USP43: variants seen among roughly 807,000 people sequenced by gnomAD.
The protein encoded by USP43 is ubiquitin carboxyl-terminal hydrolase 43.
Under a neutral mutation model 90.7 loss-of-function variants are expected in USP43, and 33 were observed. That is an observed-to-expected ratio of 0.36 (90% CI 0.28 to 0.49). The LOEUF (loss-of-function observed/expected upper bound fraction) is 0.49. Among genes scored for constraint, USP43 ranks in the 20% least tolerant of loss-of-function variants. USP43 has a pLI of 0.98. For synonymous variants in USP43, 598 were observed against 615.8 expected (o/e 0.97, Z 0.43); for missense variants, 1,274 against 1,476.4 (o/e 0.86, Z 2.25).
intron 14 of USP43, among the ~76,000 whole-genome samples, chr17:9,725,791 C>T (rs540682844): frequency 1.3e-5 from 2 of 152,242 alleles, no homozygotes; most frequent in Admixed American, 6.5e-5. Flanking sequence ...CGCCACCTGC[C>T]GGGGCTCCAG....
chr17:9,648,236 G>T (rs917623675), intron 1 of USP43, among the ~76,000 whole-genome samples: 3 of 152,242 alleles, frequency 2.0e-5, no homozygotes, highest in African/African-American at 7.2e-5. Context: ...CAGCTTTGGA[G>T]GGAGGAGTGG....
At chr17:9,652,689 C>G (rs73255729) in intron 1 of USP43, among the ~76,000 whole-genome samples, 2,054 of 152,014 alleles carry the variant, frequency 0.014, 44 homozygotes, top group African/African-American at 0.045. Context: ...AGGGGAATGT[C>G]TTCTGTATTC....
intron 1 of USP43, among the ~76,000 whole-genome samples, chr17:9,650,670 G>T (rs536343014): frequency 6.6e-6 from 1 of 152,204 alleles, no homozygotes; most frequent in South Asian, 2.1e-4. Flanking sequence ...CTCATTACAG[G>T]TATGAGCCAC....
Position 9,686,677 on chromosome 17 carries a change from G to C in USP43, c.1242-121G>C. The C allele has an allele frequency of 1.3e-6, 1 of 747,358 alleles. No individual in the cohort carries two copies. Among genetic ancestry groups the C allele is most frequent in the South Asian group, 1.9e-5 (1 of 52,162 alleles). The allele number at this position is 747,358 out of a possible 1,614,324, so 46.3% of individuals were successfully genotyped here. A position where few individuals can be genotyped will look rare whatever the true frequency, so the allele number is the denominator to read the frequency against. ...TGGTTTTTTTTGCTGTTGAGTTTTT[G>C]TGCTTAGCTCTTGTCACTTATCCTA... On this transcript the variant is annotated intron_variant, in intron 7 of 14. Coordinates refer to ENST00000285199, the MANE Select transcript of USP43 (RefSeq NM_153210.5). This position sits in a 1 kb window ranked among gnomAD's most constrained non-coding sequence, Gnocchi z 5.5.
At position 9,710,065 on chromosome 17, in the gene USP43, TC is replaced by T; in HGVS notation, c.2122del (p.Gln708ArgfsTer15). The T allele has an allele frequency of 6.4e-7, 1 of 1,562,006 alleles. No homozygotes were observed. Among genetic ancestry groups the T allele is most frequent in the African/African-American group, 1.4e-5 (1 of 72,454 alleles). ...CCAGAGGGGCTTATATCCTGTTCTATCAGAAGCGGAACAGCATCCCTCCCTG... is the reference window on the plus strand; with the variant it reads ...CCAGAGGGGCTTATATCCTGTTCTATAGAAGCGGAACAGCATCCCTCCCTG... ...NTRGAYILFYQKRNSIPPWSA... is the reference protein window; with the variant it reads ...NTRGAYILFYXKRNSIPPWSA... On this transcript the variant is annotated frameshift_variant, in exon 13 of 15. Transcript: ENST00000285199. LOFTEE classifies it high-confidence loss of function.
chr17:9,694,029 A>G (rs141229627), intron 9 of USP43, among the ~76,000 whole-genome samples: 2 of 152,304 alleles, frequency 1.3e-5, no homozygotes, highest in Non-Finnish European at 2.9e-5. Flanking sequence ...AGCTACCTTG[A>G]TAGCCTTCTG....
intron 5 of USP43, among the ~76,000 whole-genome samples, chr17:9,678,973 A>T (rs781196857): frequency 6.6e-6 from 1 of 152,146 alleles, no homozygotes; most frequent in South Asian, 2.1e-4. Context: ...GGATCTTGGT[A>T]TGCATTAAAT....
intron 12 of USP43, among the ~76,000 whole-genome samples, chr17:9,708,280 G>A (rs1160155278): frequency 6.6e-6 from 1 of 152,152 alleles, no homozygotes; most frequent in East Asian, 1.9e-4. Flanking sequence ...ATCATTTAAA[G>A]GTTCTAAGCA....
intron 1 of USP43, among the ~76,000 whole-genome samples, chr17:9,647,848 C>CAAAAAAAAAAAAAAAAA (rs35223665): frequency 2.4e-5 from 2 of 82,094 alleles, no homozygotes; most frequent in African/African-American, 9.2e-5. Context: ...ACTAAAAATC[C>CAAAAAAAAAAAAAAAAA]AAAAAAAAAA....
chr17:9,721,859 G>A (rs201229396), intron 14 of USP43, among the ~76,000 whole-genome samples: 2 of 151,290 alleles, frequency 1.3e-5, no homozygotes, highest in East Asian at 3.9e-4. Flanking sequence ...CAGTAGCTGG[G>A]ATTACAGGTG....
At chr17:9,647,181 C>G (rs996856197) in intron 1 of USP43, 3 of 151,734 alleles carry the variant, frequency 2.0e-5, no homozygotes, top group African/African-American at 7.3e-5. Flanking sequence ...GAGGGGGAAA[C>G]CTGTCAGTGT....
intron 12 of USP43, among the ~76,000 whole-genome samples, chr17:9,707,724 G>T (rs1255418064): frequency 6.7e-6 from 1 of 150,338 alleles, no homozygotes; most frequent in Non-Finnish European, 1.5e-5. Context: ...GATTACCAGT[G>T]TCCCGATGGG....
At chr17:9,685,938 C>T (rs944103989) in intron 7 of USP43, among the ~76,000 whole-genome samples, 2 of 152,142 alleles carry the variant, frequency 1.3e-5, no homozygotes, top group African/African-American at 4.8e-5. Context: ...AATTTTTATT[C>T]ATTACCTAAC....
At chr17:9,695,974 A>G (rs1704343438) in intron 9 of USP43, among the ~76,000 whole-genome samples, 1 of 152,172 alleles carries the variant, frequency 6.6e-6, no homozygotes, top group Non-Finnish European at 1.5e-5. Context: ...AAGGCTGAAT[A>G]ATATTCCATT....
At chr17:9,711,848 G>A in intron 13 of USP43, 120 bp from the exon 14 acceptor site, 1 of 1,187,994 alleles carries the variant, frequency 8.4e-7, no homozygotes. Flanking sequence ...TTCTGTTCTG[G>A]TTCTGTAGTT....
In USP43 at chr17:9,651,186, TG is replaced by T. The variant is rs534622990; in HGVS notation, c.504+5051del. Among the ~76,000 whole-genome samples, 194 of 149,798 alleles carry T rather than the reference TG, an allele frequency of 1.3e-3. 1 individual carries two copies. The Middle Eastern group carries it at 0.014, about 11-fold the overall frequency. On this transcript the variant is annotated intron_variant, in intron 1 of 14. Transcript: ENST00000285199. ...TCAGCTGTTTGATGTTTTTTTTGTT[TG>T]TTTTTTTTGTTTTTTATTTGAGACA...
rs1201466131 is a variant in USP43 at position 9,645,914 on chromosome 17, G to T, written c.282G>T (p.Gly94=). 1 of 1,472,854 alleles carries T rather than the reference G, an allele frequency of 6.8e-7. No individual in the cohort carries two copies. The highest frequency in any genetic ancestry group is 9.0e-7 in the Non-Finnish European group (1 of 1,115,456). The allele number at this position is 1,472,854 out of a possible 1,614,324, so 91.2% of individuals were successfully genotyped here. A position where few individuals can be genotyped will look rare whatever the true frequency, so the allele number is the denominator to read the frequency against. The change falls in exon 1 of 15, where the codon GGG becomes GGT. Residue 94 remains glycine, a synonymous_variant. Coordinates refer to ENST00000285199, the MANE Select transcript of USP43 (RefSeq NM_153210.5). This position sits in a 1 kb window ranked among gnomAD's most constrained non-coding sequence, Gnocchi z 6.8. ...AGCTCCAGCTCCCCGCCGGCGATGG[G>T]GCGCGGCCGCCGGGCGCTCAGGGCT... The part of the protein sequence containing the change: ...QPQLQLPAGD[G]ARPPGAQGLK...
chr17:9,668,809 C>A (rs1209260914), intron 3 of USP43, among the ~76,000 whole-genome samples: 1 of 152,072 alleles, frequency 6.6e-6, no homozygotes, highest in Non-Finnish European at 1.5e-5. Flanking sequence ...AGCTATTGGC[C>A]ATGAAAGCCG....
intron 4 of USP43, among the ~76,000 whole-genome samples, chr17:9,676,523 C>T (rs1211079410): frequency 6.6e-6 from 1 of 152,208 alleles, no homozygotes; most frequent in Non-Finnish European, 1.5e-5. Flanking sequence ...GCATCCGCCA[C>T]CACACTCAGC....
Sources: gnomAD v4.1 joint callset for allele counts (sites outside exome capture counted in the v4.1 genomes callset) on GRCh38, gnomAD v4.1.1 for gene constraint, Gnocchi (gnomAD v3.1) non-coding constraint, MANE v1.5 for transcripts, NCBI Gene and HGNC (gene_info 2026-07-23, HGNC 2026-07-21) for gene names.